Variants in IFITM10 observed in about 807,000 individuals in gnomAD.
IFITM10 encodes the protein interferon induced transmembrane protein 10.
A neutral mutation model predicts 19.0 loss-of-function variants in IFITM10; 17 were observed. The observed-to-expected ratio is 0.90, with a 90% CI of 0.61 to 1.34. IFITM10 has a LOEUF of 1.34. IFITM10 is among the 40% of genes most tolerant of loss of function. The pLI is 0.00. For synonymous variants in IFITM10, 148 were observed against 147.2 expected, an observed-to-expected ratio of 1.01 and a Z score of -0.04; for missense variants, 306 against 319.8, an observed-to-expected ratio of 0.96 and a Z score of 0.33.
chr11:1,742,885 T>TGATG (rs1213697242), intron 2 of IFITM10, among the ~76,000 whole-genome samples: 2 of 151,750 alleles, frequency 1.3e-5, no homozygotes, highest in African/African-American at 4.8e-5. Context: ...GATGAACAGA[T>TGATG]GATGGATGGA....
Position 1,747,921 on chromosome 11 carries a change from C to T in IFITM10, c.283G>A (p.Ala95Thr), listed in dbSNP as rs961665969. ...AGTGTGGGCGCCATCGGGGGAGAGGCCGAGGGCTCAGGGGCAGGGGCCGCC... is the reference window on the plus strand; with the variant it reads ...AGTGTGGGCGCCATCGGGGGAGAGGTCGAGGGCTCAGGGGCAGGGGCCGCC... ...APAAPAPEPS[A>T]SPPMAPTLFP... The change falls in exon 2 of 3, where the codon GCC becomes ACC. Residue 95 changes from alanine to threonine, a missense_variant. By Grantham distance (58) the Ala-to-Thr change is moderately conservative (BLOSUM62 0). Coordinates refer to ENST00000340134, the MANE Select transcript of IFITM10 (RefSeq NM_001170820.4). 19 of 1,489,984 alleles carry T rather than the reference C, an allele frequency of 1.3e-5. No homozygotes were observed. In the African/African-American group the frequency reaches 2.4e-4, roughly 19 times the overall value. 92.3% of individuals were successfully genotyped at this position (1,489,984 alleles called of 1,614,324 possible).
intron 2 of IFITM10, among the ~76,000 whole-genome samples, chr11:1,742,416 A>G (rs939252): frequency 0.32 from 49,159 of 152,068 alleles, 9,691 homozygotes; most frequent in African/African-American, 0.55. Flanking sequence ...GTTAGAGACA[A>G]GGTGGATGAG....
intron 2 of IFITM10, among the ~76,000 whole-genome samples, chr11:1,739,949 C>T (rs915102498): frequency 6.6e-5 from 10 of 152,088 alleles, no homozygotes; most frequent in African/African-American, 1.2e-4. Flanking sequence ...CATTTAGAGC[C>T]GGAAAGATGA....
At chr11:1,740,146 A>G (rs1249478914) in intron 2 of IFITM10, among the ~76,000 whole-genome samples, 1 of 151,974 alleles carries the variant, frequency 6.6e-6, no homozygotes, top group East Asian at 1.9e-4. Flanking sequence ...CTAAAAATAC[A>G]AAAATTATCC....
rs1286821770 is a variant in IFITM10, at chr11:1,733,504, G to A, written c.*1776C>T. 6.6e-6 allele frequency: 1 copy of A among 152,328 alleles called. No homozygotes were observed. The highest frequency in any genetic ancestry group is 1.5e-5 in the Non-Finnish European group (1 of 68,258). 9.4% of individuals were successfully genotyped at this position (152,328 alleles called of 1,614,324 possible). ...CCTTCCTCTGCAGGTTTCTGGGTCA[G>A]GACTGTGACCAGAATCTTGCTCGCT... On this transcript the variant is annotated 3_prime_UTR_variant, in exon 3 of 3. Coordinates refer to ENST00000340134, the MANE Select transcript of IFITM10 (RefSeq NM_001170820.4). The surrounding 1 kb of genome is among the most constrained non-coding windows in gnomAD (Gnocchi z 6.3).
chr11:1,738,591 G>A (rs1851111752), intron 2 of IFITM10, among the ~76,000 whole-genome samples: 3 of 152,182 alleles, frequency 2.0e-5, no homozygotes, highest in Admixed American at 2.0e-4. Flanking sequence ...ATATGTAAGA[G>A]CATGTTCGGT....
At chr11:1,743,438 A>G (rs1194011252) in intron 2 of IFITM10, among the ~76,000 whole-genome samples, 1 of 150,884 alleles carries the variant, frequency 6.6e-6, no homozygotes, top group Non-Finnish European at 1.5e-5. Flanking sequence ...TAGATGAAGG[A>G]CAGATGGAGG....
rs1417763628 is a variant in IFITM10 at position 1,735,171 on chromosome 11, G to A, written c.*109C>T. ...AGTTCACAGCTCAAGGGGGCCCCAG[G>A]ACAAGAAGCCCTGCCCTGCCCCAAC... On this transcript the variant is annotated 3_prime_UTR_variant, in exon 3 of 3. Transcript: ENST00000340134. 7.9e-7 allele frequency: 1 copy of A among 1,273,232 alleles called. No individual in the cohort carries two copies. Among genetic ancestry groups the A allele is most frequent in the Non-Finnish European group, 1.1e-6 (1 of 929,300 alleles). The allele number at this position is 1,273,232 out of a possible 1,614,324, so 78.9% of individuals were successfully genotyped here.
At chr11:1,741,201 C>T (rs139539833) in intron 2 of IFITM10, among the ~76,000 whole-genome samples, 2,061 of 151,808 alleles carry the variant, frequency 0.014, 21 homozygotes, top group Non-Finnish European at 0.02. Flanking sequence ...AGGGAGTGAA[C>T]ATGAAGGAAG....
At chr11:1,742,990 T>TATGGATGG (rs56066215) in intron 2 of IFITM10, among the ~76,000 whole-genome samples, 45,333 of 131,074 alleles carry the variant, frequency 0.35, 8,914 homozygotes, top group African/African-American at 0.58. Context: ...TGGATGGACA[T>TATGGATGG]ATGGATGGAT....
intron 2 of IFITM10, among the ~76,000 whole-genome samples, chr11:1,743,202 G>C (rs1394951503): frequency 6.6e-6 from 1 of 151,474 alleles, no homozygotes; most frequent in Non-Finnish European, 1.5e-5. Context: ...ATGGAAGATG[G>C]ATGGATGGAC....
intron 2 of IFITM10, among the ~76,000 whole-genome samples, chr11:1,742,852 T>C (rs1221818379): frequency 1.3e-5 from 2 of 151,822 alleles, no homozygotes; most frequent in African/African-American, 4.8e-5. Flanking sequence ...TGAATATAAG[T>C]TTGGGTGGAT....
chr11:1,747,562 G>A (rs930101994), intron 2 of IFITM10, 105 bp downstream of exon 2: 2 of 981,194 alleles, frequency 2.0e-6, no homozygotes, highest in Non-Finnish European at 3.1e-6. Flanking sequence ...TTCTACCCGT[G>A]TGCTCCCCTG....
intron 2 of IFITM10, chr11:1,746,781 T>C (rs1565014975): frequency 2.5e-6 from 1 of 398,764 alleles, no homozygotes; most frequent in Non-Finnish European, 4.4e-6. Context: ...ACATCTGGCC[T>C]TGGCCACTCA....
At chr11:1,744,036 A>G (rs555545651) in intron 2 of IFITM10, among the ~76,000 whole-genome samples, 1 of 151,772 alleles carries the variant, frequency 6.6e-6, no homozygotes, top group African/African-American at 2.4e-5. Flanking sequence ...AGTTTATGCC[A>G]TTTTCCCCGC....
Position 1,750,594 on chromosome 11 carries a change from T to A in IFITM10, c.-152A>T. On this transcript the variant is annotated 5_prime_UTR_variant, in exon 1 of 3. Coordinates refer to ENST00000340134, the MANE Select transcript of IFITM10 (RefSeq NM_001170820.4). Reference sequence around the variant, plus strand: ...CCTGTGCCTGACTCTGAACCCTTTCTCTCCCCAAACCTCTGTTCTGAACCC... The same window carrying A: ...CCTGTGCCTGACTCTGAACCCTTTCACTCCCCAAACCTCTGTTCTGAACCC... The A allele has an allele frequency of 1.0e-6, 1 of 993,356 alleles. No individual in the cohort carries two copies. The highest frequency in any genetic ancestry group is 1.5e-6 in the Non-Finnish European group (1 of 677,164). 61.5% of individuals were successfully genotyped at this position (993,356 alleles called of 1,614,324 possible).
intron 1 of IFITM10, chr11:1,749,212 G>A: frequency 1.9e-6 from 1 of 532,676 alleles, no homozygotes; most frequent in Non-Finnish European, 2.4e-6. Flanking sequence ...CGCCAGACCG[G>A]CCGCGCGGCT....
At chr11:1,742,492 GCT>G (rs1845579250) in intron 2 of IFITM10, among the ~76,000 whole-genome samples, 1 of 152,164 alleles carries the variant, frequency 6.6e-6, no homozygotes. Flanking sequence ...GCTGAGGCAC[GCT>G]GAGTATGAAG....
chr11:1,740,784 C>T (rs1409484094), intron 2 of IFITM10, among the ~76,000 whole-genome samples: 3 of 152,110 alleles, frequency 2.0e-5, no homozygotes, highest in African/African-American at 7.2e-5. Context: ...TATGTTGCAG[C>T]GATCCCCAGT....
Sources: gnomAD v4.1 joint callset for allele counts (sites outside exome capture counted in the v4.1 genomes callset) on GRCh38, gnomAD v4.1.1 for gene constraint, Gnocchi (gnomAD v3.1) non-coding constraint, MANE v1.5 for transcripts, NCBI Gene and HGNC (gene_info 2026-07-23, HGNC 2026-07-21) for gene names.